Variants in E2F3 observed in about 807,000 individuals in gnomAD.
E2F3 encodes the protein E2F transcription factor 3.
E2F3 carries 11 observed loss-of-function variants against 44.4 expected under a neutral mutation model. That is an observed-to-expected ratio of 0.25 (90% CI 0.16 to 0.41). E2F3 has a LOEUF of 0.41. Ranked by LOEUF, E2F3 falls within the 10% of genes least tolerant of loss-of-function variation. The pLI is 1.00. For synonymous variants in E2F3, 249 were observed against 253.0 expected, an observed-to-expected ratio of 0.98 and a Z score of 0.15; for missense variants, 487 against 583.6, an observed-to-expected ratio of 0.83 and a Z score of 1.70.
chr6:20,443,294 T>C (rs1760834101), intron 1 of E2F3, among the ~76,000 whole-genome samples: 2 of 151,144 alleles, frequency 1.3e-5, no homozygotes, highest in South Asian at 4.3e-4. Flanking sequence ...TTCCAACATC[T>C]AACTTCCCTG....
chr6:20,472,141 T>G (rs971849606), intron 1 of E2F3, among the ~76,000 whole-genome samples: 1 of 114,904 alleles, frequency 8.7e-6, no homozygotes. Flanking sequence ...CTTTGGGAAT[T>G]TATTCCTTGG....
chr6:20,424,218 T>TGG (rs1159479452), intron 1 of E2F3, among the ~76,000 whole-genome samples: 1 of 149,664 alleles, frequency 6.7e-6, no homozygotes, highest in African/African-American at 2.5e-5. Flanking sequence ...AGGGTGTGTG[T>TGG]GTGTGTGTGT....
chr6:20,488,003 G>C (rs2328524), intron 5 of E2F3, 110 bp from the exon 6 acceptor site: 3 of 1,486,822 alleles, frequency 2.0e-6, no homozygotes. Context: ...TAGGGAAAAA[G>C]CAAGTGAAAA....
chr6:20,446,879 G>C (rs1226802157), intron 1 of E2F3, among the ~76,000 whole-genome samples: 1 of 152,082 alleles, frequency 6.6e-6, no homozygotes, highest in Non-Finnish European at 1.5e-5. Context: ...CTGTATTTTT[G>C]ATGGGATGGA....
intron 1 of E2F3, among the ~76,000 whole-genome samples, chr6:20,442,492 T>C (rs951625849): frequency 6.6e-6 from 1 of 152,242 alleles, no homozygotes; most frequent in Non-Finnish European, 1.5e-5. Context: ...ATGCGGTGTT[T>C]CGTGCATTTT....
intron 6 of E2F3, among the ~76,000 whole-genome samples, chr6:20,488,735 C>T (rs1043093843): frequency 6.6e-5 from 10 of 152,146 alleles, no homozygotes; most frequent in African/African-American, 2.2e-4. Flanking sequence ...GTGGCTCACA[C>T]CTGTAATCCC....
intron 1 of E2F3, among the ~76,000 whole-genome samples, chr6:20,421,276 G>A (rs912496991): frequency 2.0e-5 from 3 of 152,132 alleles, no homozygotes; most frequent in African/African-American, 7.2e-5. Context: ...AACCATGAGT[G>A]TTGATATTGG....
chr6:20,459,947 A>G (rs1341009377), intron 1 of E2F3, among the ~76,000 whole-genome samples: 1 of 152,232 alleles, frequency 6.6e-6, no homozygotes, highest in Non-Finnish European at 1.5e-5. Context: ...AAGAAAAAGA[A>G]AACTTGTGAG....
At chr6:20,409,583 C>T (rs2127584794) in intron 1 of E2F3, among the ~76,000 whole-genome samples, 1 of 152,326 alleles carries the variant, frequency 6.6e-6, no homozygotes, top group East Asian at 1.9e-4. Context: ...AGGTCCCCAG[C>T]CCTTGCCCAG....
At chr6:20,403,028 T>G (rs1581557764) in intron 1 of E2F3, among the ~76,000 whole-genome samples, 1 of 145,148 alleles carries the variant, frequency 6.9e-6, no homozygotes, top group African/African-American at 2.6e-5. Context: ...TGAACTGGGG[T>G]GTGGGGGGCT....
At chr6:20,488,683 T>C (rs1372816440) in intron 6 of E2F3, among the ~76,000 whole-genome samples, 3 of 151,960 alleles carry the variant, frequency 2.0e-5, no homozygotes, top group Non-Finnish European at 4.4e-5. Context: ...GGGGAGAGGA[T>C]ATGGGAGGAG....
At chr6:20,472,694 A>G (rs1034287968) in intron 1 of E2F3, among the ~76,000 whole-genome samples, 3 of 152,132 alleles carry the variant, frequency 2.0e-5, no homozygotes, top group African/African-American at 7.2e-5. Context: ...GAATTCTAGT[A>G]TCTGTCCCTT....
chr6:20,469,859 A>T (rs748314018), intron 1 of E2F3, among the ~76,000 whole-genome samples: 2 of 152,104 alleles, frequency 1.3e-5, no homozygotes, highest in African/African-American at 4.8e-5. Context: ...CTCACAGAGG[A>T]TGCTACTCTC....
intron 1 of E2F3, among the ~76,000 whole-genome samples, chr6:20,419,910 G>C (rs797017270): frequency 2.1e-4 from 32 of 152,274 alleles, no homozygotes; most frequent in African/African-American, 7.7e-4. Context: ...CTGTTGCCCA[G>C]GCTGGAGTGC....
intron 2 of E2F3, among the ~76,000 whole-genome samples, chr6:20,480,833 T>C (rs1432689500): frequency 5.3e-5 from 8 of 152,300 alleles, no homozygotes. Flanking sequence ...TCCATCACCG[T>C]AGGCCTCGTG....
At chr6:20,478,098 C>T (rs1421651789) in intron 1 of E2F3, among the ~76,000 whole-genome samples, 2 of 152,008 alleles carry the variant, frequency 1.3e-5, no homozygotes. Context: ...ACTCAGGAGG[C>T]TGAGATGGGA....
intron 1 of E2F3, among the ~76,000 whole-genome samples, chr6:20,441,288 T>C (rs952656258): frequency 6.6e-6 from 1 of 152,242 alleles, no homozygotes; most frequent in Non-Finnish European, 1.5e-5. Flanking sequence ...TTATTTCACT[T>C]AGCACAATGT....
At chr6:20,420,305 A>C (rs750469252) in intron 1 of E2F3, among the ~76,000 whole-genome samples, 4 of 152,222 alleles carry the variant, frequency 2.6e-5, no homozygotes, top group Non-Finnish European at 5.9e-5. Flanking sequence ...AGTAAATTTA[A>C]GTATCTGCCC....
chr6:20,485,389 G>A (rs549688095), intron 4 of E2F3, among the ~76,000 whole-genome samples: 2 of 152,152 alleles, frequency 1.3e-5, no homozygotes, highest in South Asian at 4.1e-4. Flanking sequence ...GACCAGCCTG[G>A]GCAACAGGGT....
Sources: allele counts gnomAD v4.1 joint callset (sites outside exome capture counted in the v4.1 genomes callset), GRCh38; gene constraint gnomAD v4.1.1; transcripts MANE v1.5; gene names NCBI Gene and HGNC (gene_info 2026-07-23, HGNC 2026-07-21).